The following NEK2 variants were observed in gnomAD, a reference collection of about 807,000 sequenced individuals.
NEK2 encodes the protein serine/threonine-protein kinase Nek2.
A neutral mutation model predicts 54.1 loss-of-function variants in NEK2; 28 were observed. The observed-to-expected ratio is 0.52, with a 90% CI of 0.38 to 0.71. NEK2 has a LOEUF of 0.71. Among genes scored for constraint, NEK2 ranks in the 30% least tolerant of loss-of-function variants. The pLI, the probability that NEK2 is intolerant of heterozygous loss-of-function variation, is 0.00. For synonymous variants in NEK2, 176 were observed against 193.1 expected, an observed-to-expected ratio of 0.91 and a Z score of 0.73; for missense variants, 407 against 531.5, an observed-to-expected ratio of 0.77 and a Z score of 2.30.
rs1279272576 is a variant in NEK2, at chr1:211,673,496, T to G, written c.542A>C (p.Tyr181Ser). The change falls in exon 3 of 8, where the codon TAT becomes TCT. Residue 181 changes from tyrosine (Y) to serine (S), a missense_variant. Transcript: ENST00000366999. ...SFAKTFVGTP[Y>S]YMSPEQMNRM... Reference sequence around the variant, plus strand: ...TGAAATACTTACAGGAGACATGTAATAAGGTGTGCCAACAAATGTTTTTGC... The same window carrying G: ...TGAAATACTTACAGGAGACATGTAAGAAGGTGTGCCAACAAATGTTTTTGC... The G allele has an allele frequency of 6.2e-7, 1 of 1,613,938 alleles. No individual in the cohort carries two copies. The highest frequency in any genetic ancestry group is 8.5e-7 in the Non-Finnish European group (1 of 1,179,850).
At chr1:211,672,272 A>G (rs1655414667) in intron 3 of NEK2, among the ~76,000 whole-genome samples, 1 of 152,238 alleles carries the variant, frequency 6.6e-6, no homozygotes, top group Non-Finnish European at 1.5e-5. Context: ...AATATCTAAT[A>G]ACAGCCATAA....
At chr1:211,668,608 C>A (rs1655251826) in intron 6 of NEK2, among the ~76,000 whole-genome samples, 1 of 151,688 alleles carries the variant, frequency 6.6e-6, no homozygotes, top group Non-Finnish European at 1.5e-5. Flanking sequence ...ATAGTGAGAC[C>A]CCATCTCATT....
downstream of NEK2, among the ~76,000 whole-genome samples, chr1:211,661,848 G>C (rs1655025658): frequency 6.6e-6 from 1 of 152,194 alleles, no homozygotes; most frequent in African/African-American, 2.4e-5. Flanking sequence ...TTTAAGGCAA[G>C]CGTGGCACTA....
chr1:211,659,800 G>C (rs1654969812), downstream of NEK2, among the ~76,000 whole-genome samples: 1 of 151,288 alleles, frequency 6.6e-6, no homozygotes. Flanking sequence ...TGTACACAAG[G>C]AAACACTCTT....
intron 7 of NEK2, chr1:211,666,575 C>T (rs983139381): frequency 5.2e-5 from 33 of 630,370 alleles, no homozygotes; most frequent in South Asian, 2.1e-4. Flanking sequence ...CCGAGGCAGG[C>T]GGATCACGAG....
At chr1:211,660,384 C>G, downstream of NEK2, 1 of 633,694 alleles carries the variant, frequency 1.6e-6, no homozygotes, top group Admixed American at 1.9e-5. Context: ...CCTCCTTCTG[C>G]CCCTAATTCT....
intron 7 of NEK2, 50 bp downstream of exon 7, chr1:211,667,056 A>G (rs1186172432): frequency 6.2e-7 from 1 of 1,611,926 alleles, no homozygotes; most frequent in South Asian, 1.1e-5. Flanking sequence ...ACTGGTGCAC[A>G]TTTCTTCATT....
In NEK2 at chr1:211,673,682, T is replaced by C. The variant is rs1317151113; in HGVS notation, c.356A>G (p.Gln119Arg). ...GCATTCCTTCAGGGCCAGAGTCAAC[T>C]GAGTCATCACTCGAAGAACAAACTC... is the stretch of plus-strand genomic sequence containing the variant. ...DEEFVLRVMT[Q>R]LTLALKECHR... The change falls in exon 3 of 8, where the codon CAG becomes CGG. Residue 119 changes from glutamine to arginine, a missense_variant. Transcript: ENST00000366999. The C allele has an allele frequency of 8.7e-6, 14 of 1,614,088 alleles. No homozygotes were observed. Among genetic ancestry groups the C allele is most frequent in the Non-Finnish European group, 1.2e-5 (14 of 1,180,040 alleles).
In NEK2 at chr1:211,675,589, A is replaced by G. The variant is rs1655560215; in HGVS notation, c.-110T>C. On this transcript the variant is annotated 5_prime_UTR_variant, in exon 1 of 8. Coordinates refer to ENST00000366999, the MANE Select transcript of NEK2 (RefSeq NM_002497.4). Reference sequence around the variant, plus strand: ...CTGGATGGAGAAGCCCCCGAGCAGCACTGACCCGCCACCCCTGCCTTGGGC... The same window carrying G: ...CTGGATGGAGAAGCCCCCGAGCAGCGCTGACCCGCCACCCCTGCCTTGGGC... 2 of 812,040 alleles carry G rather than the reference A, an allele frequency of 2.5e-6. No homozygotes were observed. Among genetic ancestry groups the G allele is most frequent in the Non-Finnish European group, 2.0e-6 (1 of 497,906 alleles). The allele number at this position is 812,040 out of a possible 1,614,324, so 50.3% of individuals were successfully genotyped here. A position where few individuals can be genotyped will look rare whatever the true frequency, so the allele number is the denominator to read the frequency against.
At chr1:211,664,713 C>T (rs1655122266) in intron 7 of NEK2, among the ~76,000 whole-genome samples, 1 of 152,246 alleles carries the variant, frequency 6.6e-6, no homozygotes, top group South Asian at 2.1e-4. Flanking sequence ...TCAAAGCAAA[C>T]TGGATTGCTT....
Position 211,674,471 on chromosome 1 carries a change from C to T in NEK2, c.139G>A (p.Ala47Thr). Residue 47 changes from alanine (A) to threonine (T), a missense_variant, in exon 2 of 8, where the codon GCT (alanine) becomes ACT (threonine). Transcript: ENST00000366999. ...TCAGAAACAAGCATCTGTTTCTCAG[C>T]TTCTGTCATGGAGCCATAGTCAAGT... ...KELDYGSMTEAEKQMLVSEVN... is the reference protein window; with the variant it reads ...KELDYGSMTETEKQMLVSEVN... 6.2e-7 allele frequency: 1 copy of T among 1,613,900 alleles called. No homozygotes were observed. The highest frequency in any genetic ancestry group is 8.5e-7 in the Non-Finnish European group (1 of 1,179,912).
At chr1:211,660,790 T>C (rs1234471848), downstream of NEK2, 4 of 697,244 alleles carry the variant, frequency 5.7e-6, no homozygotes, top group East Asian at 3.0e-5. Context: ...CTCAATCAGG[T>C]TCAGGTAATA....
intron 6 of NEK2, among the ~76,000 whole-genome samples, chr1:211,668,266 C>T (rs1655240325): frequency 6.6e-6 from 1 of 152,160 alleles, no homozygotes; most frequent in Non-Finnish European, 1.5e-5. Flanking sequence ...ACAAATACGA[C>T]CCCATCTCTC....
rs571390188 is a variant in NEK2 at position 211,675,517 on chromosome 1, G to T, written c.-38C>A. 5 of 1,580,918 alleles carry T rather than the reference G, an allele frequency of 3.2e-6. No homozygotes were observed. Among genetic ancestry groups the T allele is most frequent in the East Asian group, 2.2e-5 (1 of 44,694 alleles). Reference sequence around the variant, plus strand: ...GCCAGAGTCGCGCTGCCTCACGCAGGTTGCGCCGCCAAGTGCGGAGCTCCA... The same window carrying T: ...GCCAGAGTCGCGCTGCCTCACGCAGTTTGCGCCGCCAAGTGCGGAGCTCCA... On this transcript the variant is annotated 5_prime_UTR_variant, in exon 1 of 8. Coordinates refer to ENST00000366999, the MANE Select transcript of NEK2 (RefSeq NM_002497.4).
At chr1:211,658,649 G>A, downstream of NEK2, 1 of 427,894 alleles carries the variant, frequency 2.3e-6, no homozygotes, top group Non-Finnish European at 4.6e-6. Context: ...GAGCCTACGA[G>A]GCCAAGGCTA....
chr1:211,671,701 C>T lies in NEK2; in HGVS notation c.556-417G>A, dbSNP rs1202260918. On this transcript the variant is annotated intron_variant, in intron 3 of 7. Transcript: ENST00000366999. ...TATCCATTTATATTTTGTCTTAGTC[C>T]ACTCCATAAATCACAGTAGTAACTA... Among the ~76,000 whole-genome samples, 5 of 152,116 alleles carry T rather than the reference C, an allele frequency of 3.3e-5. No homozygotes were observed. The East Asian group carries it at 7.7e-4, about 23-fold the overall frequency.
Position 211,670,373 on chromosome 1 carries a change from C to CGA in NEK2, c.671_672dup (p.Ala225SerfsTer21). 6.2e-7 allele frequency: 1 copy of CGA among 1,613,580 alleles called. No individual in the cohort carries two copies. The highest frequency in any genetic ancestry group is 8.5e-7 in the Non-Finnish European group (1 of 1,179,670). On this transcript the variant is annotated frameshift_variant, in exon 5 of 8. Coordinates refer to ENST00000366999, the MANE Select transcript of NEK2 (RefSeq NM_002497.4). LOFTEE classifies it high-confidence loss of function. ...AATTTGCCTTCTCTGATTTTCCCAG[C>CGA]GAGTTCTTTCTGGCTAAAAGCTGTA... is the stretch of plus-strand genomic sequence containing the variant.
chr1:211,658,269 T>C (rs1654922552), downstream of NEK2, among the ~76,000 whole-genome samples: 1 of 152,268 alleles, frequency 6.6e-6, no homozygotes, highest in Non-Finnish European at 1.5e-5. Flanking sequence ...AAAAATTCTT[T>C]AAAAGATATT....
chr1:211,663,801 G>A, intron 7 of NEK2, 149 bp from the exon 8 acceptor site: 4 of 726,516 alleles, frequency 5.5e-6, no homozygotes, highest in Non-Finnish European at 8.8e-6. Flanking sequence ...GAGGTTAGGG[G>A]TGTAGGACTT....
Sources: allele counts gnomAD v4.1 joint callset (sites outside exome capture counted in the v4.1 genomes callset), GRCh38; gene constraint gnomAD v4.1.1; transcripts MANE v1.5; gene names NCBI Gene and HGNC (gene_info 2026-07-23, HGNC 2026-07-21).